Variants in GRIN2B observed in about 807,000 individuals in gnomAD.
The protein encoded by GRIN2B is glutamate receptor ionotropic, NMDA 2B.
In GRIN2B, 5 loss-of-function variants were observed where a neutral mutation model predicts 114.5. That is an observed-to-expected ratio of 0.04 (90% confidence interval 0.02 to 0.09). The LOEUF is 0.09. Among genes scored for constraint, GRIN2B ranks in the 10% least tolerant of loss-of-function variants. The pLI is 1.00. For synonymous variants in GRIN2B, 787 were observed against 745.1 expected (o/e 1.06, Z -0.92); for missense variants, 1,108 against 1,943.5 (o/e 0.57, Z 8.08).
In GRIN2B at chr12:13,548,833, G is replaced by A. The variant is rs1948377993; in HGVS notation, c.*13950C>T. 6.6e-6 allele frequency: 1 copy of A among 152,022 alleles called. No individual in the cohort carries two copies. The highest frequency in any genetic ancestry group is 1.5e-5 in the Non-Finnish European group (1 of 68,012). 9.4% of individuals were successfully genotyped at this position (152,022 alleles called of 1,614,324 possible). A position where few individuals can be genotyped will look rare whatever the true frequency, so the allele number is the denominator to read the frequency against. On this transcript the variant is annotated 3_prime_UTR_variant, in exon 14 of 14. Transcript: ENST00000609686. ...CCCATCTTCATGCATGGGAATAAAA[G>A]CTACCTCCTCCATTTCCTCCGATCA...
chr12:13,685,217 C>G (rs2136550748), intron 4 of GRIN2B, among the ~76,000 whole-genome samples: 1 of 152,266 alleles, frequency 6.6e-6, no homozygotes, highest in East Asian at 1.9e-4. Context: ...ATTGGGTGGT[C>G]AACAAAATCA....
Position 13,810,434 on chromosome 12 carries a change from G to A in GRIN2B, c.411+55364C>T, listed in dbSNP as rs1015051905. Among the ~76,000 whole-genome samples, 4 of 152,172 alleles carry A rather than the reference G, an allele frequency of 2.6e-5. No individual in the cohort carries two copies. In the East Asian group the frequency reaches 5.8e-4, roughly 22 times the overall value. ...GTTTCATTAAAGCAGGGATTCTACT[G>A]TGTCTACTCAGTAGCTTCGAGGTCT... is the stretch of plus-strand genomic sequence containing the variant. On this transcript the variant is annotated intron_variant, in intron 3 of 13. Transcript: ENST00000609686.
intron 4 of GRIN2B, 121 bp from the exon 5 acceptor site, chr12:13,675,980 C>A: frequency 5.8e-6 from 4 of 684,046 alleles, no homozygotes; most frequent in Middle Eastern, 2.7e-4. Flanking sequence ...ATACAGATAC[C>A]ATTATCAAAT....
Position 13,562,380 on chromosome 12 carries a change from G to T in GRIN2B, c.*403C>A. Reference sequence around the variant, plus strand: ...TCACCTAAATGAAAAGATCAGTTTGGGAAAAGCTACCTTTGTGCTCACATA... The same window carrying T: ...TCACCTAAATGAAAAGATCAGTTTGTGAAAAGCTACCTTTGTGCTCACATA... On this transcript the variant is annotated 3_prime_UTR_variant, in exon 14 of 14. Coordinates refer to ENST00000609686, the MANE Select transcript of GRIN2B (RefSeq NM_000834.5). The T allele has an allele frequency of 4.8e-6, 1 of 206,890 alleles. No individual in the cohort carries two copies. The allele number at this position is 206,890 out of a possible 1,614,324, so 12.8% of individuals were successfully genotyped here. A position where few individuals can be genotyped will look rare whatever the true frequency, so the allele number is the denominator to read the frequency against.
intron 2 of GRIN2B, among the ~76,000 whole-genome samples, chr12:13,927,982 A>AAAAAAAAAAAAAAAAG (rs71067738): frequency 1.3e-4 from 17 of 129,792 alleles, no homozygotes; most frequent in Admixed American, 6.5e-4. Context: ...AAAAAAAAAA[A>AAAAAAAAAAAAAAAAG]GGGGGGGTAT....
intron 2 of GRIN2B, among the ~76,000 whole-genome samples, chr12:13,916,735 A>ACACAAATGTGTG (rs59238170): frequency 0.25 from 25,192 of 101,406 alleles, 2,524 homozygotes; most frequent in South Asian, 0.32. Context: ...ACACACACAC[A>ACACAAATGTGTG]TTTGTGTGTG....
intron 5 of GRIN2B, among the ~76,000 whole-genome samples, chr12:13,654,710 C>A (rs1391470921): frequency 3.3e-5 from 5 of 152,132 alleles, no homozygotes; most frequent in African/African-American, 1.2e-4. Flanking sequence ...CCAGTTCTGG[C>A]CATCCTGCTG....
chr12:13,963,139 C>T (rs2136863793), intron 2 of GRIN2B, among the ~76,000 whole-genome samples: 1 of 152,212 alleles, frequency 6.6e-6, no homozygotes, highest in Middle Eastern at 3.4e-3. Context: ...TCAGTGTCAC[C>T]CTCTCTTTTT....
At chr12:13,878,084 A>G (rs939279386) in intron 2 of GRIN2B, among the ~76,000 whole-genome samples, 146 of 151,864 alleles carry the variant, frequency 9.6e-4, no homozygotes, top group African/African-American at 3.3e-3. Context: ...AAAAAAAAAA[A>G]AAAATCTACT....
At chr12:13,629,329 G>A (rs895211379) in intron 5 of GRIN2B, among the ~76,000 whole-genome samples, 1 of 152,170 alleles carries the variant, frequency 6.6e-6, no homozygotes, top group African/African-American at 2.4e-5. Flanking sequence ...ATCTCTCACG[G>A]AAATGCTTTT....
At position 13,545,186 on chromosome 12, in the gene GRIN2B, A is replaced by T. The variant is rs1326124878; in HGVS notation, c.*17597T>A. On this transcript the variant is annotated 3_prime_UTR_variant, in exon 14 of 14. Transcript: ENST00000609686. ...CTTTGCATAGAAAGCCCCAAGTCTC[A>T]CTCCCTCATTTCCTCCAAACCTTTA... The T allele has an allele frequency of 1.3e-5, 2 of 151,780 alleles. No individual in the cohort carries two copies. Among genetic ancestry groups the T allele is most frequent in the East Asian group, 3.9e-4 (2 of 5,178 alleles). 9.4% of individuals were successfully genotyped at this position (151,780 alleles called of 1,614,324 possible). A position where few individuals can be genotyped will look rare whatever the true frequency, so the allele number is the denominator to read the frequency against.
intron 11 of GRIN2B, 120 bp from the exon 12 acceptor site, chr12:13,570,137 A>G (rs1189609506): frequency 2.7e-6 from 2 of 746,018 alleles, no homozygotes; most frequent in Admixed American, 2.1e-5. Flanking sequence ...GTTCAAAGTA[A>G]GGTTTAAGTT....
intron 10 of GRIN2B, among the ~76,000 whole-genome samples, chr12:13,577,788 G>A (rs944646380): frequency 5.9e-5 from 9 of 152,122 alleles, no homozygotes; most frequent in Non-Finnish European, 1.3e-4. Flanking sequence ...ACTGTATTAG[G>A]AACAGAGATA....
intron 2 of GRIN2B, among the ~76,000 whole-genome samples, chr12:13,905,924 G>C (rs972916402): frequency 1.3e-5 from 2 of 152,114 alleles, no homozygotes; most frequent in Non-Finnish European, 1.5e-5. Flanking sequence ...GTTATTTCTG[G>C]TTCTGAGAGT....
At chr12:13,633,211 A>G (rs1949632157) in intron 5 of GRIN2B, among the ~76,000 whole-genome samples, 1 of 152,188 alleles carries the variant, frequency 6.6e-6, no homozygotes, top group South Asian at 2.1e-4. Flanking sequence ...AGGGGTTTAG[A>G]CCAGTGAAGG....
At chr12:13,880,466 T>C (rs140382524) in intron 2 of GRIN2B, among the ~76,000 whole-genome samples, 5 of 152,122 alleles carry the variant, frequency 3.3e-5, no homozygotes, top group African/African-American at 1.2e-4. Context: ...GAGGAACAGA[T>C]CTCCCATCGC....
chr12:13,918,816 T>C (rs1019225107), intron 2 of GRIN2B, among the ~76,000 whole-genome samples: 1 of 152,210 alleles, frequency 6.6e-6, no homozygotes. Flanking sequence ...AAAACAAAGC[T>C]GAAAATGGAT....
intron 10 of GRIN2B, among the ~76,000 whole-genome samples, chr12:13,582,998 C>A (rs1948872626): frequency 6.6e-6 from 1 of 152,164 alleles, no homozygotes; most frequent in South Asian, 2.1e-4. Context: ...CTAGCTGAGG[C>A]TTGGTCCCTG....
At position 13,638,876 on chromosome 12, in the gene GRIN2B, C is replaced by G. The variant is rs118040920; in HGVS notation, c.1126-22219G>C. On this transcript the variant is annotated intron_variant, in intron 5 of 13. Transcript: ENST00000609686. ...TTTCTGGACATTACCCCATTTCTTA[C>G]CCCAGTTACCTTACTCCTGGTTCCC... is the stretch of plus-strand genomic sequence containing the variant. Among the ~76,000 whole-genome samples, 528 of 152,162 alleles carry G rather than the reference C, an allele frequency of 3.5e-3. 1 individual carries two copies. Among genetic ancestry groups the G allele is most frequent in the Middle Eastern group, 0.014 (4 of 294 alleles).
Sources: gnomAD v4.1 joint callset for allele counts (sites outside exome capture counted in the v4.1 genomes callset) on GRCh38, gnomAD v4.1.1 for gene constraint, MANE v1.5 for transcripts, NCBI Gene and HGNC (gene_info 2026-07-23, HGNC 2026-07-21) for gene names.